The following ADGRA3 variants were observed in gnomAD, a reference collection of about 807,000 sequenced individuals.
ADGRA3 encodes G-protein coupled receptor 125.
ADGRA3 carries 56 observed loss-of-function variants against 119.8 expected under a neutral mutation model. That is an observed-to-expected ratio of 0.47 (90% CI 0.38 to 0.58). The LOEUF (loss-of-function observed/expected upper bound fraction) is 0.58, where lower values mean the gene tolerates loss of function less well. Ranked by LOEUF, ADGRA3 falls within the 20% of genes least tolerant of loss-of-function variation. ADGRA3 has a pLI of 0.00. For synonymous variants in ADGRA3, 607 were observed against 623.8 expected (o/e 0.97, Z 0.40); for missense variants, 1,516 against 1,649.0 (o/e 0.92, Z 1.40).
intron 10 of ADGRA3, among the ~76,000 whole-genome samples, chr4:22,430,733 T>C (rs1716130023): frequency 6.6e-6 from 1 of 152,108 alleles, no homozygotes; most frequent in South Asian, 2.1e-4. Context: ...AGGAGCTGAA[T>C]GTTAATCCCA....
At chr4:22,395,463 C>T (rs1246629887) in intron 16 of ADGRA3, among the ~76,000 whole-genome samples, 5 of 152,160 alleles carry the variant, frequency 3.3e-5, no homozygotes, top group Admixed American at 3.3e-4. Flanking sequence ...CATGTGATTT[C>T]ACTTTATCCT....
intron 3 of ADGRA3, among the ~76,000 whole-genome samples, chr4:22,459,340 A>G (rs1717359692): frequency 6.6e-6 from 1 of 152,036 alleles, no homozygotes; most frequent in Non-Finnish European, 1.5e-5. Flanking sequence ...GGAAGGAGGG[A>G]GAGGATCAAG....
At chr4:22,406,202 T>C (rs1422038341) in intron 14 of ADGRA3, among the ~76,000 whole-genome samples, 1 of 152,222 alleles carries the variant, frequency 6.6e-6, no homozygotes, top group East Asian at 1.9e-4. Flanking sequence ...ATATTTTCTT[T>C]ACCCATTTGT....
At chr4:22,482,658 C>G (rs1370071911) in intron 1 of ADGRA3, among the ~76,000 whole-genome samples, 3 of 152,078 alleles carry the variant, frequency 2.0e-5, no homozygotes, top group Non-Finnish European at 4.4e-5. Context: ...GAGGAAGACC[C>G]TGTCTCAAAC....
intron 1 of ADGRA3, chr4:22,515,319 T>G: frequency 2.1e-6 from 1 of 472,106 alleles, no homozygotes; most frequent in Non-Finnish European, 3.4e-6. Context: ...TGCAAACTAG[T>G]GGAGCTGGGA....
chr4:22,420,511 C>A (rs1560307496), intron 12 of ADGRA3: 1 of 271,126 alleles, frequency 3.7e-6, no homozygotes, highest in Non-Finnish European at 6.8e-6. Flanking sequence ...GCTCATGATA[C>A]TTTTAGGGGC....
intron 17 of ADGRA3, among the ~76,000 whole-genome samples, chr4:22,392,117 T>C (rs1270213227): frequency 6.6e-6 from 1 of 152,226 alleles, no homozygotes; most frequent in Non-Finnish European, 1.5e-5. Flanking sequence ...TTACCACTTT[T>C]CATATTATAA....
Position 22,443,026 on chromosome 4 carries a change from T to G in ADGRA3, c.707-163A>C, listed in dbSNP as rs1165748798. 7.3e-6 allele frequency: 5 copies of G among 686,804 alleles called. No individual in the cohort carries two copies. The East Asian group carries it at 1.3e-4, about 18-fold the overall frequency. 42.5% of individuals were successfully genotyped at this position (686,804 alleles called of 1,614,324 possible). A position where few individuals can be genotyped will look rare whatever the true frequency, so the allele number is the denominator to read the frequency against. On this transcript the variant is annotated intron_variant, in intron 6 of 18. Transcript: ENST00000334304. ...TCAACCAGGCTGCTACTGAGTTTAG[T>G]GATAACAGATTAAAACAAAATTAAA...
At chr4:22,413,050 C>T (rs1028690610) in intron 14 of ADGRA3, 132 bp downstream of exon 14, 1 of 677,358 alleles carries the variant, frequency 1.5e-6, no homozygotes, top group African/African-American at 2.0e-5. Flanking sequence ...CTCATATAAT[C>T]AAAGGGAGCA....
chr4:22,515,579 T>A lies in ADGRA3; in HGVS notation c.206A>T (p.Glu69Val), dbSNP rs1426064016. The change falls in exon 1 of 19, where the codon GAA (glutamate) becomes GTA (valine). Residue 69 changes from glutamate (E) to valine (V), a missense_variant. By Grantham distance (121) the Glu-to-Val change is moderately radical. Coordinates refer to ENST00000334304, the MANE Select transcript of ADGRA3 (RefSeq NM_145290.4). Reference sequence around the variant, plus strand: ...ATCTGGGGGCAGGACCTGCGCGAGTTCCAGGCTGCTGCACACCACCTTGCC... The same window carrying A: ...ATCTGGGGGCAGGACCTGCGCGAGTACCAGGCTGCTGCACACCACCTTGCC... ...AEGKVVCSSL[E>V]LAQVLPPDTL... The A allele has an allele frequency of 6.2e-7, 1 of 1,601,962 alleles. No individual in the cohort carries two copies. The highest frequency in any genetic ancestry group is 1.1e-5 in the South Asian group (1 of 90,230).
In ADGRA3 at chr4:22,487,119, C is replaced by T. The variant is rs543461779; in HGVS notation, c.258-13276G>A. Among the ~76,000 whole-genome samples the T allele has an allele frequency of 3.9e-5, 6 of 152,302 alleles. No homozygotes were observed. The East Asian group carries it at 9.7e-4, about 25-fold the overall frequency. On this transcript the variant is annotated intron_variant, in intron 1 of 18. Coordinates refer to ENST00000334304, the MANE Select transcript of ADGRA3 (RefSeq NM_145290.4). ...CACCAGTCTCCCCCAACTGTTAACG[C>T]CTCTGGGGTTCATAAACATTCCTCT...
chr4:22,508,595 G>C (rs1019820692), intron 1 of ADGRA3, among the ~76,000 whole-genome samples: 6 of 152,150 alleles, frequency 3.9e-5, no homozygotes, highest in African/African-American at 1.4e-4. Flanking sequence ...CAATGGCTCT[G>C]CTGGTGAGAA....
chr4:22,459,152 A>T (rs1717353590), intron 3 of ADGRA3, among the ~76,000 whole-genome samples: 1 of 127,806 alleles, frequency 7.8e-6, no homozygotes, highest in African/African-American at 2.7e-5. Context: ...AAAAGCAATA[A>T]AAAAAAATCT....
rs1186312176 is a variant in ADGRA3 at position 22,435,213 on chromosome 4, A to G, written c.1443+98T>C. ...TTAAAAGCATGCTTTTAGCTCAAATATGATAAACATAAACAGGCCTTAAAA... is the reference window on the plus strand; with the variant it reads ...TTAAAAGCATGCTTTTAGCTCAAATGTGATAAACATAAACAGGCCTTAAAA... On this transcript the variant is annotated intron_variant, in intron 10 of 18. Coordinates refer to ENST00000334304, the MANE Select transcript of ADGRA3 (RefSeq NM_145290.4). The G allele has an allele frequency of 5.8e-5, 58 of 1,008,008 alleles. No individual in the cohort carries two copies. The East Asian group carries it at 1.4e-3, about 24-fold the overall frequency. 62.4% of individuals were successfully genotyped at this position (1,008,008 alleles called of 1,614,324 possible). A position where few individuals can be genotyped will look rare whatever the true frequency, so the allele number is the denominator to read the frequency against.
chr4:22,442,703 C>A lies in ADGRA3; in HGVS notation c.867G>T (p.Ser289=), dbSNP rs778353681. ...QDGRIVETDE[S]QGIFVEKNMI... is the part of the protein sequence containing the mutation. ...TGTTCTTTTCAACAAAAATACCTTG[C>A]GATTCATCGGTTTCAACTATTCTCC... Residue 289 remains serine (S), a synonymous_variant, in exon 7 of 19, where the codon TCG becomes TCT. Coordinates refer to ENST00000334304, the MANE Select transcript of ADGRA3 (RefSeq NM_145290.4). 2 of 1,613,354 alleles carry A rather than the reference C, an allele frequency of 1.2e-6. No individual in the cohort carries two copies. Among genetic ancestry groups the A allele is most frequent in the Admixed American group, 1.7e-5 (1 of 59,948 alleles).
intron 1 of ADGRA3, among the ~76,000 whole-genome samples, chr4:22,501,747 T>C (rs1008238504): frequency 2.0e-5 from 3 of 150,094 alleles, no homozygotes; most frequent in African/African-American, 7.3e-5. Flanking sequence ...GTAAAAAGTT[T>C]TATAATCACA....
At chr4:22,395,430 A>C (rs1022750010) in intron 16 of ADGRA3, among the ~76,000 whole-genome samples, 2 of 152,254 alleles carry the variant, frequency 1.3e-5, no homozygotes, top group African/African-American at 4.8e-5. Context: ...AATGCCTGCT[A>C]TGTATCCAAA....
At chr4:22,480,195 C>T (rs1718218394) in intron 1 of ADGRA3, among the ~76,000 whole-genome samples, 1 of 152,164 alleles carries the variant, frequency 6.6e-6, no homozygotes. Context: ...AAGGCTTGAA[C>T]AGATAGTTCA....
intron 16 of ADGRA3, among the ~76,000 whole-genome samples, chr4:22,395,887 C>G (rs185295945): frequency 4.1e-4 from 62 of 152,258 alleles, no homozygotes; most frequent in African/African-American, 1.4e-3. Flanking sequence ...ATTCACTGAT[C>G]AGATTTTTCC....
Sources: gnomAD v4.1 joint callset for allele counts (sites outside exome capture counted in the v4.1 genomes callset) on GRCh38, gnomAD v4.1.1 for gene constraint, MANE v1.5 for transcripts, NCBI Gene and HGNC (gene_info 2026-07-23, HGNC 2026-07-21) for gene names.